Variants in SNTG2 observed in about 807,000 individuals in gnomAD.
SNTG2 encodes the protein syntrophin gamma 2, also known as gamma-2-syntrophin.
Under a neutral mutation model 70.9 loss-of-function variants are expected in SNTG2, and 74 were observed. The observed-to-expected ratio is 1.04, with a 90% CI of 0.86 to 1.27. SNTG2 has a LOEUF of 1.27. Ranked by LOEUF, SNTG2 falls within the 50% of genes most tolerant of loss-of-function variation. SNTG2 has a pLI of 0.00. For synonymous variants in SNTG2, 278 were observed against 273.8 expected (o/e 1.02, Z -0.15); for missense variants, 717 against 690.7 (o/e 1.04, Z -0.43).
At chr2:1,045,541 A>G (rs889586672) in intron 1 of SNTG2, among the ~76,000 whole-genome samples, 1 of 151,898 alleles carries the variant, frequency 6.6e-6, no homozygotes, top group African/African-American at 2.4e-5. Flanking sequence ...TCCTCTTCAC[A>G]CTGCTTTAGC....
chr2:1,105,383 C>T (rs1406354263), intron 4 of SNTG2, among the ~76,000 whole-genome samples: 1 of 152,172 alleles, frequency 6.6e-6, no homozygotes, highest in African/African-American at 2.4e-5. Flanking sequence ...TGAGGTCCAC[C>T]TTAGGTGCTT....
chr2:1,144,667 GAAAC>G (rs1005133219), intron 6 of SNTG2, among the ~76,000 whole-genome samples: 12 of 152,158 alleles, frequency 7.9e-5, no homozygotes, highest in Non-Finnish European at 1.5e-5. Context: ...AAGAGAATGA[GAAAC>G]AAGCAAAAGG....
At chr2:1,233,082 A>G (rs1020027675) in intron 9 of SNTG2, among the ~76,000 whole-genome samples, 1 of 152,244 alleles carries the variant, frequency 6.6e-6, no homozygotes, top group Admixed American at 6.5e-5. Flanking sequence ...TTCCTTGGTT[A>G]AATTTTGTAC....
chr2:1,236,977 C>G (rs1290481426), intron 9 of SNTG2, among the ~76,000 whole-genome samples: 1 of 150,342 alleles, frequency 6.7e-6, no homozygotes, highest in Non-Finnish European at 1.5e-5. Context: ...GGGTCTCACT[C>G]TGTTGCCCAG....
intron 14 of SNTG2, among the ~76,000 whole-genome samples, chr2:1,302,540 TAA>T (rs34803391): frequency 0.038 from 2,584 of 68,096 alleles, 82 homozygotes; most frequent in African/African-American, 0.11. Context: ...ATTGGAATGC[TAA>T]AAAAAAAAAA....
At chr2:1,055,742 A>C (rs1201758720) in intron 1 of SNTG2, among the ~76,000 whole-genome samples, 1 of 152,202 alleles carries the variant, frequency 6.6e-6, no homozygotes, top group Admixed American at 6.5e-5. Context: ...GGTTATCATG[A>C]AGGATTTAAC....
At chr2:1,294,089 C>T (rs1211141023) in intron 14 of SNTG2, among the ~76,000 whole-genome samples, 4 of 152,218 alleles carry the variant, frequency 2.6e-5, no homozygotes, top group African/African-American at 7.2e-5. Flanking sequence ...CACCACTCTG[C>T]ATACCCCTGC....
chr2:1,233,873 T>G (rs376170890), intron 9 of SNTG2, among the ~76,000 whole-genome samples: 49 of 151,898 alleles, frequency 3.2e-4, no homozygotes, highest in African/African-American at 1.1e-3. Flanking sequence ...GGATGGCGAG[T>G]GTCTGGGAGC....
intron 12 of SNTG2, among the ~76,000 whole-genome samples, chr2:1,255,536 A>G (rs1332216279): frequency 6.6e-6 from 1 of 152,088 alleles, no homozygotes; most frequent in Non-Finnish European, 1.5e-5. Context: ...ATACATCAAC[A>G]ATAAATTGCT....
At chr2:1,311,238 G>A (rs529544337) in intron 15 of SNTG2, among the ~76,000 whole-genome samples, 2 of 152,306 alleles carry the variant, frequency 1.3e-5, no homozygotes, top group African/African-American at 2.4e-5. Flanking sequence ...AGGCTCAGAG[G>A]CCCTGACCTG....
At chr2:1,201,109 CA>C (rs1207046211) in intron 8 of SNTG2, among the ~76,000 whole-genome samples, 1 of 151,968 alleles carries the variant, frequency 6.6e-6, no homozygotes, top group African/African-American at 2.4e-5. Context: ...ATGTTTATTG[CA>C]TCATTATCCA....
chr2:1,244,709 A>AC (rs1230615887), intron 11 of SNTG2, among the ~76,000 whole-genome samples: 3 of 151,744 alleles, frequency 2.0e-5, no homozygotes, highest in Non-Finnish European at 2.9e-5. Context: ...AAAAAAAAAA[A>AC]AAAAAAACAG....
chr2:1,362,764 G>A (rs902136509), intron 16 of SNTG2, among the ~76,000 whole-genome samples: 4 of 151,850 alleles, frequency 2.6e-5, no homozygotes, highest in African/African-American at 4.8e-5. Context: ...GAACTTCCAC[G>A]AAGGTCACCG....
chr2:976,680 T>G (rs1413984579), intron 1 of SNTG2, among the ~76,000 whole-genome samples: 2 of 152,168 alleles, frequency 1.3e-5, no homozygotes, highest in Non-Finnish European at 1.5e-5. Flanking sequence ...TGTTCAGTAA[T>G]GTCATCCCTA....
chr2:1,316,429 C>T (rs959621634), intron 16 of SNTG2, 54 bp downstream of exon 16: 83 of 893,310 alleles, frequency 9.3e-5, no homozygotes, highest in Non-Finnish European at 1.4e-4. Flanking sequence ...TAAAGTACAG[C>T]TCAGAGGGTC....
intron 6 of SNTG2, among the ~76,000 whole-genome samples, chr2:1,152,740 G>A (rs4305308): frequency 0.82 from 124,964 of 152,184 alleles, 52,912 homozygotes; most frequent in Non-Finnish European, 0.94. Flanking sequence ...GAAATCTCAC[G>A]TTTTGATCTT....
intron 1 of SNTG2, among the ~76,000 whole-genome samples, chr2:1,017,582 T>C (rs1659944347): frequency 6.6e-6 from 1 of 152,134 alleles, no homozygotes; most frequent in Non-Finnish European, 1.5e-5. Flanking sequence ...CACACACACA[T>C]GTATGTACAT....
chr2:1,314,356 A>G (rs1328900758), intron 15 of SNTG2, among the ~76,000 whole-genome samples: 2 of 152,260 alleles, frequency 1.3e-5, no homozygotes, highest in Non-Finnish European at 2.9e-5. Context: ...TTAAAGGCAG[A>G]TGAGACTTAC....
intron 1 of SNTG2, among the ~76,000 whole-genome samples, chr2:980,268 T>G (rs773911252): frequency 1.3e-5 from 2 of 152,188 alleles, no homozygotes; most frequent in Non-Finnish European, 2.9e-5. Flanking sequence ...GTCCTGGGCC[T>G]CCTCTTTAAA....
Sources: gnomAD v4.1 joint callset for allele counts (sites outside exome capture counted in the v4.1 genomes callset) on GRCh38, gnomAD v4.1.1 for gene constraint, MANE v1.5 for transcripts, NCBI Gene and HGNC (gene_info 2026-07-23, HGNC 2026-07-21) for gene names.